CCDC12: variants seen among roughly 807,000 people sequenced by gnomAD.
The protein encoded by CCDC12 is coiled-coil domain-containing protein 12.
In CCDC12, 28 loss-of-function variants were observed where a neutral mutation model predicts 25.7. The ratio of observed to expected loss-of-function variants is 1.09; its 90% CI spans 0.81 to 1.50. CCDC12 has a LOEUF of 1.50. CCDC12 is among the 40% of genes most tolerant of loss of function. The pLI, the probability that CCDC12 is intolerant of heterozygous loss-of-function variation, is 0.00. For missense variants in CCDC12, 198 were observed against 210.0 expected, an observed-to-expected ratio of 0.94 and a Z score of 0.35; for synonymous variants, 75 against 87.7, an observed-to-expected ratio of 0.86 and a Z score of 0.81.
chr3:46,969,767 GAC>G (rs2034747368), intron 1 of CCDC12, among the ~76,000 whole-genome samples: 1 of 152,194 alleles, frequency 6.6e-6, no homozygotes, highest in Non-Finnish European at 1.5e-5. Context: ...CTCAGGTAGA[GAC>G]ACAGTTTCTT....
chr3:46,941,198 C>T lies in CCDC12; in HGVS notation c.97-133G>A, dbSNP rs117135842. 1.8e-3 allele frequency: 1,424 copies of T among 785,736 alleles called. 26 individuals are homozygous for T. In the East Asian group the frequency reaches 0.034, roughly 19 times the overall value. 48.7% of individuals were successfully genotyped at this position (785,736 alleles called of 1,614,324 possible). A position where few individuals can be genotyped will look rare whatever the true frequency, so the allele number is the denominator to read the frequency against. ...AGGGCCCAGCTTGGTGTCCCAGACTCCAACAGGGTACACGCCTGCTGCATC... is the reference window on the plus strand; with the variant it reads ...AGGGCCCAGCTTGGTGTCCCAGACTTCAACAGGGTACACGCCTGCTGCATC... On this transcript the variant is annotated intron_variant, in intron 1 of 6. Transcript: ENST00000683445.
chr3:46,948,903 T>C (rs1304168274), intron 1 of CCDC12, among the ~76,000 whole-genome samples: 3 of 152,040 alleles, frequency 2.0e-5, no homozygotes, highest in Non-Finnish European at 4.4e-5. Context: ...ACTTTATCAG[T>C]CGACAAATAC....
At chr3:46,973,613 C>CTTTTTT (rs758663577) in intron 1 of CCDC12, among the ~76,000 whole-genome samples, 1 of 97,954 alleles carries the variant, frequency 1.0e-5, no homozygotes, top group African/African-American at 3.7e-5. Flanking sequence ...TTCTTCTTTT[C>CTTTTTT]TTTTTTTTTT....
At chr3:46,963,614 C>T (rs2034534648) in intron 1 of CCDC12, among the ~76,000 whole-genome samples, 1 of 152,176 alleles carries the variant, frequency 6.6e-6, no homozygotes, top group South Asian at 2.1e-4. Flanking sequence ...CGCCGCCACA[C>T]CTGACTGGTT....
intron 2 of CCDC12, among the ~76,000 whole-genome samples, chr3:46,938,518 GTTTTT>G (rs66474878): frequency 2.2e-5 from 2 of 91,408 alleles, no homozygotes; most frequent in African/African-American, 4.2e-5. Flanking sequence ...TTCCCCTCCT[GTTTTT>G]TTTTTTTTTT....
intron 2 of CCDC12, among the ~76,000 whole-genome samples, chr3:46,926,596 T>C (rs559746450): frequency 1.3e-5 from 2 of 152,106 alleles, no homozygotes; most frequent in Admixed American, 1.3e-4. Context: ...AGAAGCAGGC[T>C]CCCAGGAAAA....
At position 46,932,829 on chromosome 3, in the gene CCDC12, C is replaced by T. The variant is rs576844658; in HGVS notation, c.165-7294G>A. Among the ~76,000 whole-genome samples, 7 of 152,366 alleles carry T rather than the reference C, an allele frequency of 4.6e-5. No homozygotes were observed. The South Asian group carries it at 1.5e-3, about 32-fold the overall frequency. ...AGTAGGGGCAGCCTCCACACATGGC[C>T]TCTCAGAGGCCACCTCTCGAGACCA... is the stretch of plus-strand genomic sequence containing the variant. On this transcript the variant is annotated intron_variant, in intron 2 of 6. Coordinates refer to ENST00000683445, the MANE Select transcript of CCDC12 (RefSeq NM_001277074.2).
chr3:46,933,969 G>C (rs1412714293), intron 2 of CCDC12, among the ~76,000 whole-genome samples: 3 of 151,660 alleles, frequency 2.0e-5, no homozygotes, highest in Non-Finnish European at 2.9e-5. Flanking sequence ...TCGTCCACTG[G>C]AGTGCAGTGG....
chr3:46,926,483 T>C (rs2032963993), intron 2 of CCDC12, among the ~76,000 whole-genome samples: 1 of 152,220 alleles, frequency 6.6e-6, no homozygotes, highest in African/African-American at 2.4e-5. Context: ...TATGTTTTTA[T>C]GTTCTTCCTG....
intron 1 of CCDC12, among the ~76,000 whole-genome samples, chr3:46,965,476 T>C (rs2034611180): frequency 6.6e-6 from 1 of 152,230 alleles, no homozygotes; most frequent in East Asian, 1.9e-4. Flanking sequence ...GCCACCCATC[T>C]GCCTCGATGG....
chr3:46,969,152 C>A (rs541201685), intron 1 of CCDC12, among the ~76,000 whole-genome samples: 1 of 152,262 alleles, frequency 6.6e-6, no homozygotes, highest in African/African-American at 2.4e-5. Context: ...TCACCCACTG[C>A]CTCTGTTCCT....
intron 1 of CCDC12, among the ~76,000 whole-genome samples, chr3:46,965,743 G>GACAAGGCCC (rs2034617756): frequency 6.6e-6 from 1 of 152,234 alleles, no homozygotes; most frequent in East Asian, 1.9e-4. Context: ...GAGGACAAGG[G>GACAAGGCCC]ATTGGCCCTG....
chr3:46,962,492 C>T (rs965954630), intron 1 of CCDC12, among the ~76,000 whole-genome samples: 2 of 146,900 alleles, frequency 1.4e-5, no homozygotes, highest in Non-Finnish European at 3.0e-5. Context: ...AAAGCCAAGG[C>T]AGGCAGAAGA....
chr3:46,945,145 T>C (rs1482398638), intron 1 of CCDC12, among the ~76,000 whole-genome samples: 2 of 152,212 alleles, frequency 1.3e-5, no homozygotes, highest in African/African-American at 4.8e-5. Flanking sequence ...ACATGTAGGC[T>C]TTACTACCCC....
At chr3:46,969,741 C>T (rs866276606) in intron 1 of CCDC12, among the ~76,000 whole-genome samples, 6 of 152,256 alleles carry the variant, frequency 3.9e-5, no homozygotes, top group Middle Eastern at 6.8e-3. Context: ...TGCCCCTTAG[C>T]GCTCAACAAC....
chr3:46,950,364 A>C (rs11130109), intron 1 of CCDC12, among the ~76,000 whole-genome samples: 143,838 of 152,260 alleles, frequency 0.94, 68,512 homozygotes, highest in East Asian at 1. Flanking sequence ...CCAGGCTGGA[A>C]TGCATGGTGC....
rs376549234 is a variant in CCDC12 at position 46,964,106 on chromosome 3, C to T, written c.96+12531G>A. Among the ~76,000 whole-genome samples the T allele has an allele frequency of 1.8e-3, 280 of 151,924 alleles. 8 individuals carry two copies. The East Asian group carries it at 0.044, about 24-fold the overall frequency. On this transcript the variant is annotated intron_variant, in intron 1 of 6. Coordinates refer to ENST00000683445, the MANE Select transcript of CCDC12 (RefSeq NM_001277074.2). The stretch of plus-strand genomic sequence containing the variant: ...TGTGAGGAGCGCCTCTGCCTAGCTG[C>T]GACCCCGTCTGGGAGGTGAGGAGCG...
intron 2 of CCDC12, among the ~76,000 whole-genome samples, chr3:46,927,099 G>C (rs932437383): frequency 1.3e-5 from 2 of 152,178 alleles, no homozygotes; most frequent in African/African-American, 4.8e-5. Flanking sequence ...CAGGGCCCCT[G>C]AGCCTGGAGC....
intron 2 of CCDC12, among the ~76,000 whole-genome samples, chr3:46,927,011 A>G (rs1209039408): frequency 6.6e-6 from 1 of 152,184 alleles, no homozygotes; most frequent in East Asian, 1.9e-4. Context: ...AGGGGCTTTC[A>G]GATGCTATTC....
Sources: gnomAD v4.1 joint callset for allele counts (sites outside exome capture counted in the v4.1 genomes callset) on GRCh38, gnomAD v4.1.1 for gene constraint, MANE v1.5 for transcripts, NCBI Gene and HGNC (gene_info 2026-07-23, HGNC 2026-07-21) for gene names.